STARD13: variants seen among roughly 807,000 people sequenced by gnomAD.
STARD13 encodes StAR related lipid transfer domain containing 13.
In STARD13, 62 loss-of-function variants were observed where a neutral mutation model predicts 106.4. The ratio of observed to expected loss-of-function variants is 0.58; its 90% CI spans 0.48 to 0.72. The LOEUF (loss-of-function observed/expected upper bound fraction) is 0.72. STARD13 is among the 30% of genes least tolerant of loss of function. The pLI is 0.00. For synonymous variants in STARD13, 565 were observed against 553.0 expected, an observed-to-expected ratio of 1.02 and a Z score of -0.31; for missense variants, 1,387 against 1,424.0, an observed-to-expected ratio of 0.97 and a Z score of 0.42.
At chr13:33,257,358 A>G (rs1040213888) in intron 1 of STARD13, among the ~76,000 whole-genome samples, 1 of 152,230 alleles carries the variant, frequency 6.6e-6, no homozygotes, top group Non-Finnish European at 1.5e-5. Flanking sequence ...CAAGAAGACA[A>G]GTAGAAGGGG....
intron 4 of STARD13, among the ~76,000 whole-genome samples, chr13:33,136,549 C>T (rs1291388218): frequency 1.3e-5 from 2 of 152,182 alleles, no homozygotes; most frequent in Non-Finnish European, 2.9e-5. Context: ...ACCTACCTTT[C>T]CCTAATTGGT....
chr13:33,226,435 C>CTTTTTT (rs71196514), intron 1 of STARD13, among the ~76,000 whole-genome samples: 2 of 130,244 alleles, frequency 1.5e-5, no homozygotes, highest in Non-Finnish European at 1.6e-5. Flanking sequence ...AAATTTAGTT[C>CTTTTTT]TTTTTTTTTT....
chr13:33,470,990 T>C, the STARD13 span, among the ~76,000 whole-genome samples: 1 of 152,228 alleles, frequency 6.6e-6, no homozygotes, highest in Non-Finnish European at 1.5e-5. Context: ...AGTCATGAAG[T>C]CCTTGCCCAT....
the STARD13 span, among the ~76,000 whole-genome samples, chr13:33,644,506 A>C: frequency 6.6e-6 from 1 of 152,128 alleles, no homozygotes; most frequent in South Asian, 2.1e-4. Flanking sequence ...ACACATACAG[A>C]GATGACAGAA....
chr13:33,660,461 T>A, the STARD13 span, among the ~76,000 whole-genome samples: 2 of 152,220 alleles, frequency 1.3e-5, no homozygotes. Flanking sequence ...CCCTTGCTGG[T>A]ACTGATCAGG....
the STARD13 span, among the ~76,000 whole-genome samples, chr13:33,597,895 A>T: frequency 1.3e-5 from 2 of 152,126 alleles, no homozygotes; most frequent in Admixed American, 6.5e-5. Flanking sequence ...CAAGACACTC[A>T]ACATCTAATT....
intron 1 of STARD13, among the ~76,000 whole-genome samples, chr13:33,221,432 A>G (rs1888349278): frequency 6.6e-6 from 1 of 152,190 alleles, no homozygotes; most frequent in Admixed American, 6.5e-5. Flanking sequence ...GACTAACATC[A>G]TCATAAACTT....
At chr13:33,215,588 A>C (rs1444128578) in intron 1 of STARD13, among the ~76,000 whole-genome samples, 2 of 152,144 alleles carry the variant, frequency 1.3e-5, no homozygotes, top group African/African-American at 4.8e-5. Flanking sequence ...TCACCTGGAG[A>C]TGTGGCTGCT....
the STARD13 span, among the ~76,000 whole-genome samples, chr13:33,540,486 C>G: frequency 7.9e-5 from 12 of 152,170 alleles, no homozygotes; most frequent in South Asian, 2.1e-4. Context: ...CTGGGAGGCA[C>G]AGAGAGAGGC....
chr13:33,305,581 A>G (rs1892875042), intron 1 of STARD13, among the ~76,000 whole-genome samples: 1 of 152,232 alleles, frequency 6.6e-6, no homozygotes, highest in Non-Finnish European at 1.5e-5. Context: ...AACAGCAATT[A>G]TAATACCCTC....
chr13:33,173,883 G>A (rs7335142), intron 1 of STARD13, among the ~76,000 whole-genome samples: 2,627 of 152,272 alleles, frequency 0.017, 73 homozygotes, highest in African/African-American at 0.06. Flanking sequence ...ACGCTTACCT[G>A]TACTCAGTCA....
chr13:33,465,268 C>T, the STARD13 span, among the ~76,000 whole-genome samples: 9 of 145,244 alleles, frequency 6.2e-5, no homozygotes, highest in Non-Finnish European at 1.0e-4. Context: ...TGCAGTGGCG[C>T]GATCTCGGCT....
At chr13:33,611,755 G>C in the STARD13 span, among the ~76,000 whole-genome samples, 1 of 152,214 alleles carries the variant, frequency 6.6e-6, no homozygotes, top group African/African-American at 2.4e-5. Context: ...AGCCCAGCAG[G>C]CTTGAAATAA....
chr13:33,289,077 T>G (rs1892188423), upstream of STARD13, among the ~76,000 whole-genome samples: 1 of 152,140 alleles, frequency 6.6e-6, no homozygotes, highest in Non-Finnish European at 1.5e-5. Context: ...GGTCCTCTTC[T>G]CCAGTGAGTG....
intron 1 of STARD13, among the ~76,000 whole-genome samples, chr13:33,331,902 C>T (rs7320886): frequency 0.16 from 24,318 of 152,090 alleles, 2,565 homozygotes; most frequent in Non-Finnish European, 0.22. Flanking sequence ...ATGGTCTTTA[C>T]GTAATTAGCA....
intron 1 of STARD13, among the ~76,000 whole-genome samples, chr13:33,242,855 T>C (rs1443473274): frequency 1.3e-5 from 2 of 152,242 alleles, no homozygotes; most frequent in African/African-American, 4.8e-5. Context: ...TCTGATATAT[T>C]TGGAGGCTTA....
chr13:33,254,606 C>T (rs941330898), intron 1 of STARD13, among the ~76,000 whole-genome samples: 15 of 152,148 alleles, frequency 9.9e-5, no homozygotes, highest in Non-Finnish European at 1.5e-4. Context: ...CTGCCATGCC[C>T]CCCTATCCTG....
At chr13:33,452,295 T>C in the STARD13 span, among the ~76,000 whole-genome samples, 1 of 150,786 alleles carries the variant, frequency 6.6e-6, no homozygotes, top group East Asian at 2.0e-4. Flanking sequence ...TTCTCTGGGG[T>C]ATGAAGGCCA....
At chr13:33,423,537 G>A in the STARD13 span, among the ~76,000 whole-genome samples, 2 of 152,188 alleles carry the variant, frequency 1.3e-5, no homozygotes, top group African/African-American at 2.4e-5. Context: ...ACAGTGTGGC[G>A]ATTCCTCAAT....
Sources: gnomAD v4.1 joint callset for allele counts (sites outside exome capture counted in the v4.1 genomes callset) on GRCh38, gnomAD v4.1.1 for gene constraint, MANE v1.5 for transcripts, NCBI Gene and HGNC (gene_info 2026-07-23, HGNC 2026-07-21) for gene names.